The following DOK6 variants were observed in gnomAD, a reference collection of about 807,000 sequenced individuals.
DOK6 encodes the protein docking protein 6, also known as downstream of tyrosine kinase 6.
DOK6 carries 22 observed loss-of-function variants against 44.0 expected under a neutral mutation model. The ratio of observed to expected loss-of-function variants is 0.50; its 90% CI spans 0.36 to 0.71. The LOEUF (loss-of-function observed/expected upper bound fraction) is 0.71, where lower values mean the gene tolerates loss of function less well. Ranked by LOEUF, DOK6 falls within the 30% of genes least tolerant of loss-of-function variation. The probability of loss-of-function intolerance (pLI) is 0.00; values close to 1 mark genes in which losing one functional copy is unlikely to be tolerated. For missense variants in DOK6, 340 were observed against 416.4 expected (o/e 0.82, Z 1.60); for synonymous variants, 166 against 145.5 (o/e 1.14, Z -1.01).
chr18:69,424,188 T>G (rs1978572904), intron 1 of DOK6, among the ~76,000 whole-genome samples: 1 of 152,206 alleles, frequency 6.6e-6, no homozygotes, highest in Non-Finnish European at 1.5e-5. Flanking sequence ...GAGGTGGATT[T>G]GCTGGGCATA....
chr18:69,591,759 G>A (rs1188993638), intron 2 of DOK6, among the ~76,000 whole-genome samples: 1 of 152,028 alleles, frequency 6.6e-6, no homozygotes, highest in African/African-American at 2.4e-5. Context: ...ATGAATTCTA[G>A]GAGTAGGAAA....
intron 5 of DOK6, among the ~76,000 whole-genome samples, chr18:69,736,809 T>C (rs78662110): frequency 0.012 from 1,779 of 152,344 alleles, 36 homozygotes; most frequent in African/African-American, 0.041. Context: ...GGGTCTCATG[T>C]GTCATCTCCC....
chr18:69,489,072 G>C (rs1418292912), intron 1 of DOK6, among the ~76,000 whole-genome samples: 1 of 152,170 alleles, frequency 6.6e-6, no homozygotes, highest in Non-Finnish European at 1.5e-5. Flanking sequence ...TGCATTGAGA[G>C]AGTTTCCATA....
intron 1 of DOK6, among the ~76,000 whole-genome samples, chr18:69,493,455 C>A (rs971733695): frequency 6.6e-6 from 1 of 152,172 alleles, no homozygotes; most frequent in Non-Finnish European, 1.5e-5. Context: ...GATATTCAGC[C>A]TCAACCAGAT....
intron 3 of DOK6, among the ~76,000 whole-genome samples, chr18:69,630,032 C>T (rs1403411135): frequency 6.6e-6 from 1 of 152,090 alleles, no homozygotes; most frequent in East Asian, 1.9e-4. Context: ...TCCCAATGTG[C>T]CTATGGTCTT....
At chr18:69,434,834 A>C (rs1389592247) in intron 1 of DOK6, among the ~76,000 whole-genome samples, 1 of 151,378 alleles carries the variant, frequency 6.6e-6, no homozygotes, top group Non-Finnish European at 1.5e-5. Flanking sequence ...AGGCAGGAGA[A>C]TCGCTTGAAC....
chr18:69,501,573 G>A (rs772724797), intron 1 of DOK6, among the ~76,000 whole-genome samples: 7 of 152,060 alleles, frequency 4.6e-5, no homozygotes, highest in Non-Finnish European at 7.4e-5. Flanking sequence ...TGTGGGTCAG[G>A]GGAGTGGTGT....
At position 69,603,554 on chromosome 18, in the gene DOK6, G is replaced by A. The variant is rs542172999; in HGVS notation, c.289+4056G>A. Among the ~76,000 whole-genome samples the A allele has an allele frequency of 4.0e-4, 61 of 152,224 alleles. 3 individuals are homozygous for A. The highest frequency in any genetic ancestry group is 1.2e-3 in the African/African-American group (48 of 41,550). On this transcript the variant is annotated intron_variant, in intron 3 of 7. Coordinates refer to ENST00000382713, the MANE Select transcript of DOK6 (RefSeq NM_152721.6). ...CGGGAGGCCGAGGCGGGTGGATCAC[G>A]AGGTCAGGAGATCGAGAGCATCCTG...
chr18:69,481,460 G>C (rs1980418864), intron 1 of DOK6, among the ~76,000 whole-genome samples: 1 of 151,968 alleles, frequency 6.6e-6, no homozygotes, highest in Non-Finnish European at 1.5e-5. Flanking sequence ...ACCTATGAGT[G>C]AGAACATGCG....
chr18:69,584,182 TCAAA>T (rs1287748331), intron 2 of DOK6, among the ~76,000 whole-genome samples: 1 of 151,870 alleles, frequency 6.6e-6, no homozygotes, highest in Non-Finnish European at 1.5e-5. Flanking sequence ...TAAAACAGTA[TCAAA>T]CGAATTTAGT....
chr18:69,773,262 C>A (rs1258328543), intron 7 of DOK6, among the ~76,000 whole-genome samples: 3 of 151,938 alleles, frequency 2.0e-5, no homozygotes, highest in African/African-American at 7.2e-5. Flanking sequence ...AATGGTACAG[C>A]TGCCATGGAA....
At chr18:69,536,448 G>A (rs1018013873) in intron 1 of DOK6, among the ~76,000 whole-genome samples, 2 of 152,078 alleles carry the variant, frequency 1.3e-5, no homozygotes, top group African/African-American at 4.8e-5. Context: ...ATCAAGTATA[G>A]TTTTTATTAA....
At chr18:69,665,248 A>G (rs1186433851) in intron 3 of DOK6, among the ~76,000 whole-genome samples, 1 of 152,116 alleles carries the variant, frequency 6.6e-6, no homozygotes, top group Non-Finnish European at 1.5e-5. Context: ...TCATCCAGTC[A>G]TGACTCCAGG....
rs377168471 is a variant in DOK6, at chr18:69,804,559, A to G, written c.857-36685A>G. Reference sequence around the variant, plus strand: ...ATTATACACATTATATGAACTGTCCATGTTTTCTAAGTCTGTAGGCTAGAA... The same window carrying G: ...ATTATACACATTATATGAACTGTCCGTGTTTTCTAAGTCTGTAGGCTAGAA... On this transcript the variant is annotated intron_variant, in intron 7 of 7. Coordinates refer to ENST00000382713, the MANE Select transcript of DOK6 (RefSeq NM_152721.6). Among the ~76,000 whole-genome samples, 6 of 152,312 alleles carry G rather than the reference A, an allele frequency of 3.9e-5. No individual in the cohort carries two copies. In the East Asian group the frequency reaches 1.2e-3, roughly 29 times the overall value.
At chr18:69,561,074 A>T (rs867230652) in intron 1 of DOK6, among the ~76,000 whole-genome samples, 9 of 152,264 alleles carry the variant, frequency 5.9e-5, no homozygotes, top group Middle Eastern at 3.4e-3. Context: ...AGAAAATTGT[A>T]CCTACTCTAT....
intron 1 of DOK6, among the ~76,000 whole-genome samples, chr18:69,420,519 T>C: frequency 6.6e-6 from 1 of 152,146 alleles, no homozygotes; most frequent in East Asian, 1.9e-4. Context: ...TACTTTAAGT[T>C]CTAGGGTACA....
intron 1 of DOK6, among the ~76,000 whole-genome samples, chr18:69,414,191 A>G (rs1026244894): frequency 1.3e-5 from 2 of 152,082 alleles, no homozygotes; most frequent in African/African-American, 4.8e-5. Flanking sequence ...CAATTTCTTG[A>G]CAACCTACAT....
At chr18:69,687,886 A>C (rs965436705) in intron 4 of DOK6, among the ~76,000 whole-genome samples, 1 of 152,310 alleles carries the variant, frequency 6.6e-6, no homozygotes. Flanking sequence ...AAGAAAATAA[A>C]CTAAAATTAT....
chr18:69,716,773 A>G (rs774205984), intron 5 of DOK6, among the ~76,000 whole-genome samples: 1 of 151,612 alleles, frequency 6.6e-6, no homozygotes, highest in Non-Finnish European at 1.5e-5. Flanking sequence ...TTGCGCCCTA[A>G]AGTGGTGTTT....
Sources: gnomAD v4.1 joint callset for allele counts (sites outside exome capture counted in the v4.1 genomes callset) on GRCh38, gnomAD v4.1.1 for gene constraint, MANE v1.5 for transcripts, NCBI Gene and HGNC (gene_info 2026-07-23, HGNC 2026-07-21) for gene names.